The following SPON1 variants were observed in gnomAD, a reference collection of about 807,000 sequenced individuals.
SPON1 encodes the protein spondin 1.
SPON1 carries 52 observed loss-of-function variants against 111.7 expected under a neutral mutation model. The ratio of observed to expected loss-of-function variants is 0.47; its 90% CI spans 0.37 to 0.59. The LOEUF is 0.59. SPON1 is among the 20% of genes least tolerant of loss of function. The pLI is 0.00. For synonymous variants in SPON1, 410 were observed against 395.8 expected (o/e 1.04, Z -0.43); for missense variants, 957 against 1,068.5 (o/e 0.90, Z 1.46).
chr11:14,161,053 ATATT>A (rs1554931171), intron 6 of SPON1, among the ~76,000 whole-genome samples: 3 of 76,310 alleles, frequency 3.9e-5, no homozygotes, highest in Admixed American at 4.5e-4. Flanking sequence ...ATATTTATAT[ATATT>A]TATATATATC....
At chr11:14,084,784 A>G (rs1465894256) in intron 5 of SPON1, among the ~76,000 whole-genome samples, 2 of 152,102 alleles carry the variant, frequency 1.3e-5, no homozygotes, top group Admixed American at 1.3e-4. Flanking sequence ...AAGCATTCCT[A>G]TTTCTCCACA....
chr11:14,149,631 C>T (rs900026407), intron 6 of SPON1, among the ~76,000 whole-genome samples: 2 of 152,184 alleles, frequency 1.3e-5, no homozygotes, highest in African/African-American at 4.8e-5. Flanking sequence ...CCTGCAAGCT[C>T]CATACAGGTG....
chr11:14,163,326 A>C (rs528506139), intron 6 of SPON1, among the ~76,000 whole-genome samples: 3 of 152,312 alleles, frequency 2.0e-5, no homozygotes, highest in South Asian at 4.1e-4. Context: ...GCAAAATTCA[A>C]GTCCAGGTCA....
At chr11:14,215,258 T>G (rs1412909136) in intron 6 of SPON1, among the ~76,000 whole-genome samples, 1 of 152,162 alleles carries the variant, frequency 6.6e-6, no homozygotes, top group Non-Finnish European at 1.5e-5. Flanking sequence ...GCTCCCTTTA[T>G]GGCCACAAGA....
chr11:13,973,866 C>G (rs1442704065), intron 1 of SPON1, among the ~76,000 whole-genome samples: 1 of 152,180 alleles, frequency 6.6e-6, no homozygotes, highest in Non-Finnish European at 1.5e-5. Flanking sequence ...TTAACTACGT[C>G]TGTTATAGAA....
At position 14,135,096 on chromosome 11, in the gene SPON1, ACTCTATTTTGC is replaced by A; in HGVS notation, c.677-321_677-311del. 5.1e-6 allele frequency: 1 copy of A among 194,810 alleles called. No individual in the cohort carries two copies. The highest frequency in any genetic ancestry group is 1.6e-4 in the South Asian group (1 of 6,330). 12.1% of individuals were successfully genotyped at this position (194,810 alleles called of 1,614,324 possible). A position where few individuals can be genotyped will look rare whatever the true frequency, so the allele number is the denominator to read the frequency against. On this transcript the variant is annotated intron_variant, in intron 5 of 15. Coordinates refer to ENST00000576479, the MANE Select transcript of SPON1 (RefSeq NM_006108.4). This position sits in a 1 kb window ranked among gnomAD's most constrained non-coding sequence, Gnocchi z 4.4. ...GGAGTCTGCCAGAACAGTCCTTTCT[ACTCTATTTTGC>A]CTTACAAATATGATCAGCCTTTAAC...
chr11:14,186,533 C>A (rs1292169780), intron 6 of SPON1, among the ~76,000 whole-genome samples: 1 of 152,136 alleles, frequency 6.6e-6, no homozygotes, highest in Non-Finnish European at 1.5e-5. Flanking sequence ...ATGGTATTTT[C>A]TTTGACTCTG....
chr11:14,041,576 A>G lies in SPON1; in HGVS notation c.401A>G (p.Glu134Gly), dbSNP rs1848631505. Residue 134 changes from glutamate to glycine, a missense_variant, in exon 3 of 16, where the codon GAA becomes GGA. This residue lies in a region of SPON1 where 262 missense variants were observed against 253.9 expected (regional missense o/e 1.03). Transcript: ENST00000576479. ...FMSNCPVAVTESTPRRRTRIQ... is the reference protein window; with the variant it reads ...FMSNCPVAVTGSTPRRRTRIQ... Reference sequence around the variant, plus strand: ...AGCAATTGCCCTGTTGCAGTCACTGAAAGCACTCCACGGAGGAGGACCCGG... The same window carrying G: ...AGCAATTGCCCTGTTGCAGTCACTGGAAGCACTCCACGGAGGAGGACCCGG... 6.2e-7 allele frequency: 1 copy of G among 1,613,868 alleles called. No homozygotes were observed. Among genetic ancestry groups the G allele is most frequent in the Admixed American group, 1.7e-5 (1 of 59,998 alleles).
In SPON1 at chr11:14,090,836, CCCCCCCCCG is replaced by C. The variant is rs1564902993; in HGVS notation, c.676+10819_676+10827del. ...ATTCTCTTATCTGGCCCCCCCCCCCCCCCCCCCCGCCCACATCCTGCTGATTGGTAGAGC... is the reference window on the plus strand; with the variant it reads ...ATTCTCTTATCTGGCCCCCCCCCCCCCCCACATCCTGCTGATTGGTAGAGC... On this transcript the variant is annotated intron_variant, in intron 5 of 15. Transcript: ENST00000576479. Among the ~76,000 whole-genome samples the C allele has an allele frequency of 8.4e-3, 264 of 31,262 alleles. 22 individuals are homozygous for C. The highest frequency in any genetic ancestry group is 0.016 in the South Asian group (7 of 434). 20.5% of individuals were successfully genotyped at this position (31,262 alleles called of 152,430 possible). A position where few individuals can be genotyped will look rare whatever the true frequency, so the allele number is the denominator to read the frequency against.
At chr11:14,016,573 CT>C (rs1168600050) in intron 2 of SPON1, among the ~76,000 whole-genome samples, 2 of 151,846 alleles carry the variant, frequency 1.3e-5, no homozygotes, top group African/African-American at 4.8e-5. Flanking sequence ...AAAACAAGTT[CT>C]CAGAGTAAGG....
chr11:14,043,195 A>G (rs1373825889), intron 3 of SPON1, among the ~76,000 whole-genome samples: 2 of 152,216 alleles, frequency 1.3e-5, no homozygotes, highest in Admixed American at 1.3e-4. Context: ...AGCTGCCATT[A>G]CTAGCATTTG....
chr11:14,115,479 A>C (rs1849259990), intron 5 of SPON1, among the ~76,000 whole-genome samples: 1 of 152,170 alleles, frequency 6.6e-6, no homozygotes, highest in Non-Finnish European at 1.5e-5. Context: ...CTGTTTTAAA[A>C]CATTTTATAA....
intron 5 of SPON1, among the ~76,000 whole-genome samples, chr11:14,108,746 T>C (rs11023093): frequency 2.1e-4 from 32 of 152,164 alleles, no homozygotes; most frequent in African/African-American, 7.7e-4. Context: ...AAGTTAGTAT[T>C]TGATGACCTT....
chr11:14,158,604 G>A (rs891346527), intron 6 of SPON1, among the ~76,000 whole-genome samples: 1 of 152,220 alleles, frequency 6.6e-6, no homozygotes, highest in East Asian at 1.9e-4. Flanking sequence ...AGAGCCTGAA[G>A]GGAAAAAAGC....
chr11:14,057,479 G>T (rs139127942), intron 3 of SPON1, among the ~76,000 whole-genome samples: 1 of 152,170 alleles, frequency 6.6e-6, no homozygotes, highest in Non-Finnish European at 1.5e-5. Flanking sequence ...CAGAACAATT[G>T]TTGAAATGTG....
intron 1 of SPON1, among the ~76,000 whole-genome samples, chr11:13,969,209 T>C (rs1258477116): frequency 1.3e-5 from 1 of 77,282 alleles, no homozygotes; most frequent in Non-Finnish European, 2.5e-5. Flanking sequence ...GCAAAACCCA[T>C]CTCTACAAAA....
intron 5 of SPON1, among the ~76,000 whole-genome samples, chr11:14,102,998 T>C (rs2133844518): frequency 6.6e-6 from 1 of 152,284 alleles, no homozygotes; most frequent in East Asian, 1.9e-4. Flanking sequence ...CTGCTTGGGA[T>C]TTAGTTACTG....
chr11:14,181,666 C>T (rs1848236028), intron 6 of SPON1, among the ~76,000 whole-genome samples: 1 of 152,168 alleles, frequency 6.6e-6, no homozygotes, highest in Non-Finnish European at 1.5e-5. Flanking sequence ...AGCCACCTGA[C>T]CCCAGTTCAC....
chr11:14,168,544 G>A (rs1276470208), intron 6 of SPON1, among the ~76,000 whole-genome samples: 1 of 151,514 alleles, frequency 6.6e-6, no homozygotes, highest in African/African-American at 2.4e-5. Flanking sequence ...GGGTACATGT[G>A]CACAACGTGC....
Sources: gnomAD v4.1 joint callset for allele counts (sites outside exome capture counted in the v4.1 genomes callset) on GRCh38, gnomAD v4.1.1 for gene constraint, gnomAD v4.1.1 regional missense constraint, Gnocchi (gnomAD v3.1) non-coding constraint, MANE v1.5 for transcripts, NCBI Gene and HGNC (gene_info 2026-07-23, HGNC 2026-07-21) for gene names.